Variants in TIMM22 observed in about 807,000 individuals in gnomAD.
TIMM22 encodes the protein translocase of inner mitochondrial membrane 22.
TIMM22 carries 12 observed loss-of-function variants against 18.3 expected under a neutral mutation model. That is an observed-to-expected ratio of 0.65 (90% confidence interval 0.42 to 1.06). The LOEUF (loss-of-function observed/expected upper bound fraction) is 1.06, where lower values mean the gene tolerates loss of function less well. Ranked by LOEUF, TIMM22 falls within the 50% of genes least tolerant of loss-of-function variation. The pLI, the probability that TIMM22 is intolerant of heterozygous loss-of-function variation, is 0.00. For synonymous variants in TIMM22, 107 were observed against 98.5 expected (o/e 1.09, Z -0.51); for missense variants, 278 against 252.8 (o/e 1.10, Z -0.68).
chr17:1,000,467 G>C (rs2069733087), intron 3 of TIMM22, among the ~76,000 whole-genome samples: 1 of 152,070 alleles, frequency 6.6e-6, no homozygotes, highest in Non-Finnish European at 1.5e-5. Flanking sequence ...CTTTCCATCT[G>C]TCATGCCCTA....
intron 1 of TIMM22, among the ~76,000 whole-genome samples, chr17:997,885 ATAAT>A (rs778284456): frequency 8.9e-4 from 136 of 152,246 alleles, no homozygotes; most frequent in Non-Finnish European, 1.8e-3. Context: ...ATTCTCTTAA[ATAAT>A]TCTTTCAACA....
intron 2 of TIMM22, among the ~76,000 whole-genome samples, 154 bp from the exon 3 acceptor site, chr17:999,358 T>TACATAC (rs1555524936): frequency 3.8e-5 from 5 of 132,608 alleles, no homozygotes; most frequent in African/African-American, 1.6e-4. Context: ...TATATATATA[T>TACATAC]ACACGCTGTA....
intron 3 of TIMM22, among the ~76,000 whole-genome samples, chr17:1,000,724 G>A (rs1037432785): frequency 6.6e-6 from 1 of 152,218 alleles, no homozygotes; most frequent in Admixed American, 6.5e-5. Flanking sequence ...GCTTTCATTT[G>A]ATTCCGAGGG....
intron 2 of TIMM22, 26 bp downstream of exon 2, chr17:999,001 T>C (rs763008961): frequency 6.3e-7 from 1 of 1,588,188 alleles, no homozygotes; most frequent in Admixed American, 1.7e-5. Context: ...TTCTAAGAAA[T>C]CCTTGCTGGG....
rs1597310106 is a variant in TIMM22, at chr17:1,001,638, G to A, written c.*550G>A. On this transcript the variant is annotated 3_prime_UTR_variant, in exon 4 of 4. Transcript: ENST00000327158. ...CGCCACACACCTTACAGTTCAAAAG[G>A]TTGGTTTATTTGTATTTTATTTTCA... The A allele has an allele frequency of 6.5e-6, 1 of 152,810 alleles. No individual in the cohort carries two copies. The highest frequency in any genetic ancestry group is 1.9e-4 in the East Asian group (1 of 5,180). 9.5% of individuals were successfully genotyped at this position (152,810 alleles called of 1,614,324 possible).
Position 997,159 on chromosome 17 carries a change from C to T in TIMM22, c.17C>T (p.Pro6Leu), listed in dbSNP as rs750077098. Residue 6 changes from proline (P) to leucine (L), a missense_variant, in exon 1 of 4, where the codon CCC becomes CTC. By Grantham distance (98) the Pro-to-Leu change is moderately conservative. Transcript: ENST00000327158. MAAAA[P>L]NAGGSAPETA... ...GCGACTGTCATGGCGGCGGCCGCCCCCAATGCCGGAGGCTCGGCCCCTGAG... is the reference window on the plus strand; with the variant it reads ...GCGACTGTCATGGCGGCGGCCGCCCTCAATGCCGGAGGCTCGGCCCCTGAG... The T allele has an allele frequency of 2.2e-5, 35 of 1,609,626 alleles. No homozygotes were observed. In the African/African-American group the frequency reaches 3.6e-4, roughly 17 times the overall value.
intron 1 of TIMM22, among the ~76,000 whole-genome samples, chr17:998,041 AGAC>A (rs1259477345): frequency 6.6e-6 from 1 of 152,244 alleles, no homozygotes; most frequent in Non-Finnish European, 1.5e-5. Flanking sequence ...ATGCACATGC[AGAC>A]GACTCTAGGG....
chr17:1,002,003 A>C lies in TIMM22; in HGVS notation c.*915A>C. On this transcript the variant is annotated 3_prime_UTR_variant, in exon 4 of 4. Coordinates refer to ENST00000327158, the MANE Select transcript of TIMM22 (RefSeq NM_013337.4). ...GTGGTCATCTTGGTGACTCGGTCACAGCAGCTACTGGCCAAGATCAGACGT... is the reference window on the plus strand; with the variant it reads ...GTGGTCATCTTGGTGACTCGGTCACCGCAGCTACTGGCCAAGATCAGACGT... 6.6e-6 allele frequency: 1 copy of C among 152,240 alleles called. No homozygotes were observed. Among genetic ancestry groups the C allele is most frequent in the Non-Finnish European group, 1.5e-5 (1 of 68,056 alleles). 9.4% of individuals were successfully genotyped at this position (152,240 alleles called of 1,614,324 possible).
rs2069712095 is a variant in TIMM22 at position 998,898 on chromosome 17, C to T, written c.358C>T (p.Gln120Ter). Reference protein sequence around the residue: ...TAKEVLKDMGQRGMSYAKNFA... With the variant: ...TAKEVLKDMG ...AAAAGAAGTGCTGAAAGACATGGGG[C>T]AGAGAGGAATGTCCTATGCCAAAAA... The change falls in exon 2 of 4, where the codon CAG becomes TAG. Residue 120 changes from glutamine (Q) to a stop codon, truncating the protein, a stop_gained. Transcript: ENST00000327158. LOFTEE classifies it high-confidence loss of function. The T allele has an allele frequency of 6.2e-7, 1 of 1,614,120 alleles. No homozygotes were observed. Among genetic ancestry groups the T allele is most frequent in the Non-Finnish European group, 8.5e-7 (1 of 1,180,022 alleles).
rs539336096 is a variant in TIMM22, at chr17:1,003,280, G to A, written c.*2192G>A. ...CTGTAGCAGCACATGGCAAAGGTGA[G>A]CCAGAAGCAGCCTGGATGCTGGCTG... On this transcript the variant is annotated 3_prime_UTR_variant, in exon 4 of 4. Coordinates refer to ENST00000327158, the MANE Select transcript of TIMM22 (RefSeq NM_013337.4). 6.6e-6 allele frequency: 1 copy of A among 152,368 alleles called. No individual in the cohort carries two copies. Among genetic ancestry groups the A allele is most frequent in the African/African-American group, 2.4e-5 (1 of 41,594 alleles). The allele number at this position is 152,368 out of a possible 1,614,324, so 9.4% of individuals were successfully genotyped here. A position where few individuals can be genotyped will look rare whatever the true frequency, so the allele number is the denominator to read the frequency against.
In TIMM22 at chr17:998,934, G is replaced by T; in HGVS notation, c.394G>T (p.Val132Leu). ...GMSYAKNFAI[V>L]GAMFSCTECL... ...GTCCTATGCCAAAAATTTCGCCATT[G>T]TGGGAGCCATGTTTTCTTGTACTGA... is the stretch of plus-strand genomic sequence containing the variant. Residue 132 changes from valine to leucine, a missense_variant, in exon 2 of 4, where the codon GTG (valine) becomes TTG (leucine). By Grantham distance (32) the Val-to-Leu change is conservative. Transcript: ENST00000327158. 1 of 1,614,080 alleles carries T rather than the reference G, an allele frequency of 6.2e-7. No individual in the cohort carries two copies. Among genetic ancestry groups the T allele is most frequent in the Non-Finnish European group, 8.5e-7 (1 of 1,179,974 alleles).
At chr17:999,487 C>G (rs1307779844) in intron 2 of TIMM22, 25 bp from the exon 3 acceptor site, 1 of 1,612,022 alleles carries the variant, frequency 6.2e-7, no homozygotes, top group Non-Finnish European at 8.5e-7. Flanking sequence ...TTCTTTGGCT[C>G]TAACGTGTAC....
At chr17:1,000,978 A>G (rs1409062702) in intron 3 of TIMM22, 34 bp from the exon 4 acceptor site, 1 of 1,613,410 alleles carries the variant, frequency 6.2e-7, no homozygotes, top group South Asian at 1.1e-5. Flanking sequence ...AGCAGCTGTC[A>G]CCACAGGTCA....
At chr17:1,000,175 C>T (rs2376589) in intron 3 of TIMM22, among the ~76,000 whole-genome samples, 7,681 of 152,126 alleles carry the variant, frequency 0.05, 303 homozygotes, top group East Asian at 0.22. Flanking sequence ...TGAGCCACCA[C>T]GTGTGGCCAA....
At position 1,001,023 on chromosome 17, in the gene TIMM22, G is replaced by T. The variant is rs200687812; in HGVS notation, c.520G>T (p.Ala174Ser). The part of the protein sequence containing the change: ...GAIGFRAGLK[A>S]GAIGCGGFAA... ...TGTTTGTTTGACAGCTGGCTTAAAG[G>T]CTGGGGCCATTGGTTGTGGAGGTTT... Residue 174 changes from alanine to serine, a missense_variant, in exon 4 of 4, where the codon GCT becomes TCT. By Grantham distance (99) the Ala-to-Ser change is moderately conservative. Coordinates refer to ENST00000327158, the MANE Select transcript of TIMM22 (RefSeq NM_013337.4). 18 of 1,613,988 alleles carry T rather than the reference G, an allele frequency of 1.1e-5. No individual in the cohort carries two copies. Among genetic ancestry groups the T allele is most frequent in the Non-Finnish European group, 1.4e-5 (17 of 1,179,986 alleles).
chr17:999,684 T>C (rs892266796), intron 3 of TIMM22, 100 bp downstream of exon 3: 10 of 1,109,614 alleles, frequency 9.0e-6, no homozygotes, highest in Non-Finnish European at 8.0e-6. Context: ...CACTTGATCT[T>C]CTTCCCTCTG....
In TIMM22 at chr17:1,003,012, C is replaced by CA. The variant is rs2069784515; in HGVS notation, c.*1925dup. On this transcript the variant is annotated 3_prime_UTR_variant, in exon 4 of 4. Coordinates refer to ENST00000327158, the MANE Select transcript of TIMM22 (RefSeq NM_013337.4). ...CTGTTCCTGATCTTCAGAATAAACT[C>CA]AGTGTCCAGTTGCTTCGGCTGGTGG... 6.6e-6 allele frequency: 1 copy of CA among 152,164 alleles called. No homozygotes were observed. The highest frequency in any genetic ancestry group is 1.5e-5 in the Non-Finnish European group (1 of 68,038). 9.4% of individuals were successfully genotyped at this position (152,164 alleles called of 1,614,324 possible).
Position 997,232 on chromosome 17 carries a change from G to A in TIMM22, c.90G>A (p.Gln30=). ...EAPLQYSLLL[Q]YLVGDKRQPR... ...CGCTGCAGTACAGCCTGCTCCTGCA[G>A]TACCTGGTGGGTGACAAGCGTCAGC... Residue 30 remains glutamine (Q), a synonymous_variant, in exon 1 of 4, where the codon CAG becomes CAA. Transcript: ENST00000327158. The A allele has an allele frequency of 6.2e-7, 1 of 1,613,352 alleles. No individual in the cohort carries two copies. The highest frequency in any genetic ancestry group is 1.7e-5 in the Admixed American group (1 of 60,032).
At chr17:1,000,383 G>A (rs1252160193) in intron 3 of TIMM22, among the ~76,000 whole-genome samples, 2 of 150,954 alleles carry the variant, frequency 1.3e-5, no homozygotes, top group African/African-American at 4.9e-5. Flanking sequence ...CCGTTGGCAT[G>A]TCCATTCAGA....
Sources: allele counts gnomAD v4.1 joint callset (sites outside exome capture counted in the v4.1 genomes callset), GRCh38; gene constraint gnomAD v4.1.1; transcripts MANE v1.5; gene names NCBI Gene and HGNC (gene_info 2026-07-23, HGNC 2026-07-21).